STK26: variants seen among roughly 807,000 people sequenced by gnomAD.
The protein encoded by STK26 is serine/threonine kinase 26, also known as serine/threonine-protein kinase 26.
STK26 carries 14 observed loss-of-function variants against 34.7 expected under a neutral mutation model. The observed-to-expected ratio is 0.40, with a 90% CI of 0.27 to 0.63. The LOEUF (loss-of-function observed/expected upper bound fraction) is 0.63, where lower values mean the gene tolerates loss of function less well. STK26 is among the 30% of genes least tolerant of loss of function. STK26 has a pLI of 0.38. For missense variants in STK26, 226 were observed against 309.1 expected (o/e 0.73, Z 2.02); for synonymous variants, 100 against 109.8 (o/e 0.91, Z 0.56).
intron 4 of STK26, among the ~76,000 whole-genome samples, chrX:132,067,325 C>T (rs1034603690): frequency 8.9e-6 from 1 of 111,818 alleles, no homozygotes; most frequent in Non-Finnish European, 1.9e-5. Context: ...TTTTCACCAC[C>T]TCTTCCCTCC....
chrX:132,071,253 C>G (rs373437957), intron 8 of STK26, 36 bp downstream of exon 8: 3 of 1,175,379 alleles, frequency 2.6e-6, no homozygotes, highest in Non-Finnish European at 2.3e-6. Context: ...TGTAGGCAGC[C>G]TATTTAAATA....
chrX:132,037,792 T>A (rs1926113208), intron 2 of STK26, among the ~76,000 whole-genome samples: 5 of 98,555 alleles, frequency 5.1e-5, no homozygotes, highest in African/African-American at 7.6e-5. Flanking sequence ...TTTTTTTTTT[T>A]AACTATTTAT....
At chrX:132,024,356 AG>A (rs1231852712) in intron 2 of STK26, among the ~76,000 whole-genome samples, 1 of 111,585 alleles carries the variant, frequency 9.0e-6, no homozygotes, top group Non-Finnish European at 1.9e-5. Context: ...GTCTTGGACA[AG>A]GGACTACTGC....
intron 3 of STK26, among the ~76,000 whole-genome samples, chrX:132,062,395 G>A (rs1569334708): frequency 8.9e-6 from 1 of 112,277 alleles, no homozygotes; most frequent in Non-Finnish European, 1.9e-5. Context: ...ACCTGTTTTA[G>A]AATTTGTATA....
At chrX:132,069,104 T>C (rs1017276918) in intron 6 of STK26, among the ~76,000 whole-genome samples, 16 of 109,917 alleles carry the variant, frequency 1.5e-4, no homozygotes, top group Non-Finnish European at 1.9e-4. Context: ...GTTATTTTCT[T>C]CACAGAAGTT....
intron 2 of STK26, among the ~76,000 whole-genome samples, chrX:132,046,621 T>A (rs1310349356): frequency 8.9e-6 from 1 of 112,092 alleles, no homozygotes; most frequent in African/African-American, 3.2e-5. Flanking sequence ...GTTTAAACAG[T>A]TGCCTTAATA....
intron 8 of STK26, among the ~76,000 whole-genome samples, chrX:132,071,451 A>G (rs1402007987): frequency 8.9e-6 from 1 of 111,902 alleles, no homozygotes; most frequent in African/African-American, 3.2e-5. Context: ...TCTAACCCCT[A>G]GTGGATACTT....
intron 3 of STK26, among the ~76,000 whole-genome samples, chrX:132,055,980 T>G (rs1319910432): frequency 4.4e-5 from 5 of 112,682 alleles, no homozygotes; most frequent in African/African-American, 1.3e-4. Context: ...ATTGTATTTT[T>G]CAGCTTTGAA....
chrX:132,057,045 T>C (rs959702491), intron 3 of STK26, among the ~76,000 whole-genome samples: 1 of 112,073 alleles, frequency 8.9e-6, no homozygotes, highest in African/African-American at 3.2e-5. Context: ...GGGTGTGAGC[T>C]AGCTCACTGT....
In STK26 at chrX:132,072,253, T is replaced by C; in HGVS notation, c.933-15T>C. The stretch of plus-strand genomic sequence containing the variant: ...ATTTGGGCACTTATAGAGGTATCTT[T>C]GGCAATCTCTTTAGGGAATCTACCA... On this transcript the variant is annotated splice_polypyrimidine_tract_variant and intron_variant, in intron 8 of 11. Transcript: ENST00000394334. The C allele has an allele frequency of 1.7e-6, 2 of 1,181,392 alleles. No homozygotes were observed. The highest frequency in any genetic ancestry group is 2.3e-6 in the Non-Finnish European group (2 of 868,462).
chrX:132,072,895 C>A lies in STK26; in HGVS notation c.1089+20C>A. 1 of 1,205,597 alleles carries A rather than the reference C, an allele frequency of 8.3e-7. No homozygotes were observed. Among genetic ancestry groups the A allele is most frequent in the Non-Finnish European group, 1.1e-6 (1 of 890,570 alleles). Reference sequence around the variant, plus strand: ...GCTGAAGTAAGTACAGATTAATTAGCCTTGGATATCTGTGTTAAGTAGTAT... The same window carrying A: ...GCTGAAGTAAGTACAGATTAATTAGACTTGGATATCTGTGTTAAGTAGTAT... On this transcript the variant is annotated intron_variant, in intron 10 of 11. Coordinates refer to ENST00000394334, the MANE Select transcript of STK26 (RefSeq NM_016542.4).
At chrX:132,025,298 C>G (rs756295352) in intron 2 of STK26, among the ~76,000 whole-genome samples, 3 of 111,871 alleles carry the variant, frequency 2.7e-5, no homozygotes, top group Non-Finnish European at 5.6e-5. Flanking sequence ...TGCGTGTGTG[C>G]GTCAGCAGAG....
chrX:132,074,323 T>A lies in STK26; in HGVS notation c.*164T>A. 4 of 429,319 alleles carry A rather than the reference T, an allele frequency of 9.3e-6. No individual in the cohort carries two copies. Among genetic ancestry groups the A allele is most frequent in the Non-Finnish European group, 3.9e-6 (1 of 257,137 alleles). The allele number at this position is 429,319 out of a possible 1,213,427, so 35.4% of individuals were successfully genotyped here. A position where few individuals can be genotyped will look rare whatever the true frequency, so the allele number is the denominator to read the frequency against. On this transcript the variant is annotated 3_prime_UTR_variant, in exon 12 of 12. Transcript: ENST00000394334. ...AACTATTTTGTGATGGCGTTTATCA[T>A]TTTATATTTTGAAAGGATTATTTTG...
chrX:132,048,108 TAA>T (rs1352180101), intron 2 of STK26, among the ~76,000 whole-genome samples: 1 of 111,827 alleles, frequency 8.9e-6, no homozygotes, highest in African/African-American at 3.2e-5. Context: ...GAGTGGATGT[TAA>T]GTGTTCTCAC....
chrX:132,036,591 T>C (rs1272038127), intron 2 of STK26, among the ~76,000 whole-genome samples: 1 of 111,776 alleles, frequency 8.9e-6, no homozygotes, highest in African/African-American at 3.3e-5. Context: ...TGAGATGCTA[T>C]CTCAAAATAA....
intron 2 of STK26, among the ~76,000 whole-genome samples, chrX:132,032,539 T>C (rs1925881078): frequency 8.9e-6 from 1 of 111,738 alleles, no homozygotes; most frequent in Non-Finnish European, 1.9e-5. Flanking sequence ...GTCAGCAGTG[T>C]TTTAAATTTT....
Position 132,049,060 on chromosome X carries a change from C to G in STK26, c.43-5571C>G, listed in dbSNP as rs765046694. ...GTGGTGTGATCATGGCTCACTGTAG[C>G]CTCGCCCTTCTAGGCTCAGGTGGTC... is the stretch of plus-strand genomic sequence containing the variant. On this transcript the variant is annotated intron_variant, in intron 2 of 11. Coordinates refer to ENST00000394334, the MANE Select transcript of STK26 (RefSeq NM_016542.4). Among the ~76,000 whole-genome samples the G allele has an allele frequency of 2.7e-5, 3 of 111,998 alleles. No individual in the cohort carries two copies. In the East Asian group the frequency reaches 8.4e-4, roughly 31 times the overall value.
At chrX:132,069,410 C>CACATATATATATAT (rs1295110654) in intron 6 of STK26, 68 bp from the exon 7 acceptor site, 3 of 81,769 alleles carry the variant, frequency 3.7e-5, no homozygotes, top group African/African-American at 2.0e-4. Context: ...CATACATACA[C>CACATATATATATAT]ATATATATAT....
At chrX:132,026,992 A>G (rs1275120661) in intron 2 of STK26, among the ~76,000 whole-genome samples, 1 of 112,567 alleles carries the variant, frequency 8.9e-6, no homozygotes, top group Non-Finnish European at 1.9e-5. Flanking sequence ...ACTGACGTAT[A>G]TTACATGTTC....
Sources: allele counts gnomAD v4.1 joint callset (sites outside exome capture counted in the v4.1 genomes callset), GRCh38; gene constraint gnomAD v4.1.1; transcripts MANE v1.5; gene names NCBI Gene and HGNC (gene_info 2026-07-23, HGNC 2026-07-21).